The following PCGF5 variants were observed in gnomAD, a reference collection of about 807,000 sequenced individuals.
PCGF5 encodes polycomb group RING finger protein 5.
A neutral mutation model predicts 44.3 loss-of-function variants in PCGF5; 9 were observed. The ratio of observed to expected loss-of-function variants is 0.20; its 90% CI spans 0.12 to 0.35. The LOEUF (loss-of-function observed/expected upper bound fraction) is 0.35. Among genes scored for constraint, PCGF5 ranks in the 10% least tolerant of loss-of-function variants. PCGF5 has a pLI of 1.00. For synonymous variants in PCGF5, 95 were observed against 102.5 expected (o/e 0.93, Z 0.44); for missense variants, 146 against 305.3 (o/e 0.48, Z 3.89).
intron 1 of PCGF5, among the ~76,000 whole-genome samples, chr10:91,197,550 A>G (rs1161098323): frequency 6.6e-6 from 1 of 152,150 alleles, no homozygotes; most frequent in African/African-American, 2.4e-5. Flanking sequence ...TGTACAGTGA[A>G]GCAATGGGGA....
Position 91,267,424 on chromosome 10 carries a change from G to A in PCGF5, c.663+2904G>A, listed in dbSNP as rs181100369. 6.8e-4 allele frequency among the ~76,000 whole-genome samples: 104 copies of A among 152,300 alleles called. 2 individuals are homozygous for A. The East Asian group carries it at 0.018, about 27-fold the overall frequency. On this transcript the variant is annotated intron_variant, in intron 8 of 9. Coordinates refer to ENST00000336126, the MANE Select transcript of PCGF5 (RefSeq NM_032373.5). ...CCAAGTAAAATATAATCTGAGGACA[G>A]GGATTTTTGTTTGTTCACTGCTAAA... is the stretch of plus-strand genomic sequence containing the variant.
intron 3 of PCGF5, among the ~76,000 whole-genome samples, chr10:91,244,891 T>C (rs187174622): frequency 1.3e-5 from 2 of 151,820 alleles, no homozygotes; most frequent in African/African-American, 4.9e-5. Flanking sequence ...ACTTCAATTG[T>C]GGACATGCTG....
upstream of PCGF5, among the ~76,000 whole-genome samples, chr10:91,216,325 G>A (rs1259862323): frequency 6.6e-6 from 1 of 152,164 alleles, no homozygotes; most frequent in African/African-American, 2.4e-5. Flanking sequence ...TAGCAGAGGT[G>A]GGGAAGGGTG....
intron 1 of PCGF5, among the ~76,000 whole-genome samples, chr10:91,201,130 T>TG (rs1483182183): frequency 6.6e-6 from 1 of 152,226 alleles, no homozygotes; most frequent in Non-Finnish European, 1.5e-5. Flanking sequence ...TGTTTTCTGT[T>TG]GCTACAGCTG....
intron 1 of PCGF5, among the ~76,000 whole-genome samples, chr10:91,175,963 C>T (rs1843699439): frequency 6.6e-6 from 1 of 152,126 alleles, no homozygotes; most frequent in South Asian, 2.1e-4. Flanking sequence ...ATGATGTTAG[C>T]TGGTTATTTT....
intron 2 of PCGF5, among the ~76,000 whole-genome samples, chr10:91,230,144 A>T (rs1003514950): frequency 6.6e-6 from 1 of 152,230 alleles, no homozygotes; most frequent in Admixed American, 6.5e-5. Flanking sequence ...GTGGACACTA[A>T]AGCACACAAC....
chr10:91,189,404 T>G (rs1209206322), intron 1 of PCGF5, among the ~76,000 whole-genome samples: 1 of 152,218 alleles, frequency 6.6e-6, no homozygotes, highest in African/African-American at 2.4e-5. Context: ...TGGTGCCTGG[T>G]ACATAGTAGA....
At chr10:91,206,086 A>T (rs1055590909) in intron 1 of PCGF5, among the ~76,000 whole-genome samples, 1 of 152,236 alleles carries the variant, frequency 6.6e-6, no homozygotes, top group Non-Finnish European at 1.5e-5. Flanking sequence ...GCAACAGCCT[A>T]ACAATAAATT....
intron 1 of PCGF5, among the ~76,000 whole-genome samples, chr10:91,211,471 G>A (rs1055083900): frequency 6.6e-6 from 1 of 152,128 alleles, no homozygotes; most frequent in Non-Finnish European, 1.5e-5. Context: ...CCAGACCTTT[G>A]CAGGGGCCAT....
In PCGF5 at chr10:91,222,583, C is replaced by A. The variant is rs190035924; in HGVS notation, c.-183-106C>A. On this transcript the variant is annotated intron_variant, in intron 1 of 9. Transcript: ENST00000336126. ...AGGATATGTTCTATTCACCTATTCA[C>A]CCAATTGGGAACATGTAACACTTGC... 4 of 466,214 alleles carry A rather than the reference C, an allele frequency of 8.6e-6. No homozygotes were observed. The Admixed American group carries it at 1.2e-4, about 14-fold the overall frequency. 28.9% of individuals were successfully genotyped at this position (466,214 alleles called of 1,614,324 possible). A position where few individuals can be genotyped will look rare whatever the true frequency, so the allele number is the denominator to read the frequency against.
intron 1 of PCGF5, among the ~76,000 whole-genome samples, chr10:91,186,242 C>G (rs753449789): frequency 1.3e-5 from 2 of 152,162 alleles, no homozygotes; most frequent in Non-Finnish European, 2.9e-5. Flanking sequence ...GATTTTGCCC[C>G]GACTCTCACA....
At chr10:91,175,404 G>A (rs747866196) in intron 1 of PCGF5, among the ~76,000 whole-genome samples, 1 of 152,092 alleles carries the variant, frequency 6.6e-6, no homozygotes. Flanking sequence ...TCTTCTCTGG[G>A]TAAAATGAGC....
Position 91,278,523 on chromosome 10 carries a change from T to G in PCGF5, c.*207T>G. On this transcript the variant is annotated 3_prime_UTR_variant, in exon 10 of 10. Coordinates refer to ENST00000336126, the MANE Select transcript of PCGF5 (RefSeq NM_032373.5). Reference sequence around the variant, plus strand: ...AGTGCCATTCTGCTACTGAACCATCTGCATAAGGTATTTGTGTTGTCTCAA... The same window carrying G: ...AGTGCCATTCTGCTACTGAACCATCGGCATAAGGTATTTGTGTTGTCTCAA... The G allele has an allele frequency of 1.8e-6, 1 of 565,508 alleles. No individual in the cohort carries two copies. Among genetic ancestry groups the G allele is most frequent in the African/African-American group, 1.9e-5 (1 of 53,308 alleles). 35.0% of individuals were successfully genotyped at this position (565,508 alleles called of 1,614,324 possible).
chr10:91,244,224 A>G (rs1170182125), intron 3 of PCGF5, among the ~76,000 whole-genome samples: 1 of 152,182 alleles, frequency 6.6e-6, no homozygotes, highest in Non-Finnish European at 1.5e-5. Flanking sequence ...GATGGTGATG[A>G]TAGGCTTCTG....
intron 2 of PCGF5, chr10:91,227,612 AC>A (rs1334891610): frequency 4.3e-6 from 5 of 1,149,644 alleles, no homozygotes. Flanking sequence ...CACATTCTTA[AC>A]TGTGTCCAAG....
chr10:91,171,054 A>G (rs1342698339), intron 1 of PCGF5, among the ~76,000 whole-genome samples: 2 of 152,222 alleles, frequency 1.3e-5, no homozygotes, highest in Non-Finnish European at 1.5e-5. Context: ...ACCATAGAGT[A>G]AAAAGATCAG....
chr10:91,172,604 A>G (rs1843629810), intron 1 of PCGF5, among the ~76,000 whole-genome samples: 1 of 152,234 alleles, frequency 6.6e-6, no homozygotes, highest in Non-Finnish European at 1.5e-5. Context: ...TGGATGGGTC[A>G]TCTCTCTCCT....
At chr10:91,177,933 C>T (rs1843741857) in intron 1 of PCGF5, among the ~76,000 whole-genome samples, 1 of 152,126 alleles carries the variant, frequency 6.6e-6, no homozygotes, top group South Asian at 2.1e-4. Flanking sequence ...CACCCACTGT[C>T]CAACAATCCC....
chr10:91,248,330 T>C (rs1004394249), intron 3 of PCGF5, among the ~76,000 whole-genome samples, 175 bp from the exon 4 acceptor site: 1 of 152,140 alleles, frequency 6.6e-6, no homozygotes, highest in East Asian at 1.9e-4. Flanking sequence ...ATCAGTCTAC[T>C]ACTGGGGAAG....
Sources: allele counts gnomAD v4.1 joint callset (sites outside exome capture counted in the v4.1 genomes callset), GRCh38; gene constraint gnomAD v4.1.1; transcripts MANE v1.5; gene names NCBI Gene and HGNC (gene_info 2026-07-23, HGNC 2026-07-21).